The following CARMIL1 variants were observed in gnomAD, a reference collection of about 807,000 sequenced individuals.
CARMIL1 encodes F-actin-uncapping protein LRRC16A.
A neutral mutation model predicts 177.1 loss-of-function variants in CARMIL1; 90 were observed. That is an observed-to-expected ratio of 0.51 (90% CI 0.43 to 0.61). CARMIL1 has a LOEUF of 0.61. Ranked by LOEUF, CARMIL1 falls within the 20% of genes least tolerant of loss-of-function variation. The pLI, the probability that CARMIL1 is intolerant of heterozygous loss-of-function variation, is 0.00. For missense variants in CARMIL1, 1,380 were observed against 1,667.0 expected (o/e 0.83, Z 3.00); for synonymous variants, 577 against 606.2 (o/e 0.95, Z 0.71).
intron 4 of CARMIL1, among the ~76,000 whole-genome samples, chr6:25,433,768 G>A (rs1348009647): frequency 6.6e-6 from 1 of 152,122 alleles, no homozygotes; most frequent in Admixed American, 6.5e-5. Context: ...TCTTCTAGAG[G>A]TATTTATGAA....
At chr6:25,321,432 C>T (rs546316336) in intron 2 of CARMIL1, among the ~76,000 whole-genome samples, 12 of 152,156 alleles carry the variant, frequency 7.9e-5, no homozygotes, top group Admixed American at 3.9e-4. Context: ...GACAAGGTGG[C>T]ATCTGAATTA....
At chr6:25,299,051 C>T (rs142319078) in intron 2 of CARMIL1, among the ~76,000 whole-genome samples, 40 of 151,184 alleles carry the variant, frequency 2.6e-4, no homozygotes, top group African/African-American at 9.5e-4. Context: ...TGCGCTTGGC[C>T]GATTGCTTTT....
chr6:25,291,992 G>A (rs1242534319), intron 2 of CARMIL1, among the ~76,000 whole-genome samples: 2 of 152,158 alleles, frequency 1.3e-5, no homozygotes, highest in Non-Finnish European at 2.9e-5. Context: ...CCTCGTAGTT[G>A]TTCTCTGATG....
chr6:25,290,791 C>T (rs1781894169), intron 2 of CARMIL1, among the ~76,000 whole-genome samples: 1 of 152,186 alleles, frequency 6.6e-6, no homozygotes, highest in South Asian at 2.1e-4. Flanking sequence ...AAATCCACCC[C>T]CCCGGCCCCT....
intron 26 of CARMIL1, 46 bp from the exon 27 acceptor site, chr6:25,550,864 G>C (rs181731389): frequency 2.6e-6 from 4 of 1,536,022 alleles, no homozygotes; most frequent in Non-Finnish European, 3.5e-6. Flanking sequence ...CGGGCACCTC[G>C]GGTGCAGTGT....
intron 2 of CARMIL1, among the ~76,000 whole-genome samples, chr6:25,369,644 G>A (rs1790211669): frequency 1.3e-5 from 2 of 152,086 alleles, no homozygotes; most frequent in Admixed American, 1.3e-4. Flanking sequence ...CTGGGCCTTT[G>A]GTTCACAGTA....
intron 8 of CARMIL1, chr6:25,452,633 T>G: frequency 6.5e-6 from 1 of 153,922 alleles, no homozygotes; most frequent in East Asian, 1.9e-4. Context: ...TAAATATATT[T>G]TCCAAAACAA....
chr6:25,521,496 G>A (rs1393654969), intron 23 of CARMIL1, among the ~76,000 whole-genome samples: 2 of 152,180 alleles, frequency 1.3e-5, no homozygotes, highest in Non-Finnish European at 2.9e-5. Context: ...GTGGATGGGC[G>A]CGATGGCTCA....
chr6:25,420,486 C>T (rs182263473), intron 3 of CARMIL1: 46 of 225,060 alleles, frequency 2.0e-4, no homozygotes, highest in African/African-American at 8.6e-4. Context: ...CCCTAAGGCT[C>T]CATGTCCCAG....
At chr6:25,460,071 C>A (rs116024148) in intron 8 of CARMIL1, among the ~76,000 whole-genome samples, 1 of 152,306 alleles carries the variant, frequency 6.6e-6, no homozygotes, top group South Asian at 2.1e-4. Context: ...AACCTTTCCC[C>A]TTATGTCAAT....
chr6:25,619,240 T>C (rs1759538959), intron 36 of CARMIL1, among the ~76,000 whole-genome samples: 1 of 152,192 alleles, frequency 6.6e-6, no homozygotes, highest in African/African-American at 2.4e-5. Flanking sequence ...TTTGTGTGTG[T>C]TTTCTCATGT....
At position 25,279,535 on chromosome 6, in the gene CARMIL1, C is replaced by A; in HGVS notation, c.-261C>A. The A allele has an allele frequency of 1.8e-6, 1 of 560,760 alleles. No homozygotes were observed. Among genetic ancestry groups the A allele is most frequent in the South Asian group, 2.1e-5 (1 of 48,586 alleles). 34.7% of individuals were successfully genotyped at this position (560,760 alleles called of 1,614,324 possible). A position where few individuals can be genotyped will look rare whatever the true frequency, so the allele number is the denominator to read the frequency against. ...CCGCGCCCGCTTGTAATCCGGTCCG[C>A]TCCTTATTCAGCCGCCGGGAACTGC... On this transcript the variant is annotated 5_prime_UTR_variant, in exon 1 of 37. Coordinates refer to ENST00000329474, the MANE Select transcript of CARMIL1 (RefSeq NM_017640.6).
intron 2 of CARMIL1, among the ~76,000 whole-genome samples, chr6:25,340,311 C>G (rs1459403001): frequency 1.3e-5 from 2 of 152,180 alleles, no homozygotes; most frequent in Non-Finnish European, 2.9e-5. Flanking sequence ...CTTCAGTGTT[C>G]AGTGTGTAGC....
intron 33 of CARMIL1, 98 bp from the exon 34 acceptor site, chr6:25,604,714 G>A: frequency 1.1e-6 from 1 of 923,222 alleles, no homozygotes; most frequent in Non-Finnish European, 1.7e-6. Flanking sequence ...CTGAGTTAAA[G>A]AGCCCTTCTT....
At chr6:25,437,929 A>G (rs1256495151) in intron 5 of CARMIL1, among the ~76,000 whole-genome samples, 1 of 152,158 alleles carries the variant, frequency 6.6e-6, no homozygotes, top group Non-Finnish European at 1.5e-5. Context: ...TTCTCTTGCA[A>G]GTGATCCTTC....
At chr6:25,281,943 G>C (rs2690055) in intron 1 of CARMIL1, among the ~76,000 whole-genome samples, 7,534 of 151,648 alleles carry the variant, frequency 0.05, 589 homozygotes, top group African/African-American at 0.17. Context: ...GAAGAAACCC[G>C]GTCTCTACTA....
chr6:25,500,357 T>C (rs779989787), intron 17 of CARMIL1, 122 bp downstream of exon 17: 1 of 781,548 alleles, frequency 1.3e-6, no homozygotes, highest in Non-Finnish European at 2.1e-6. Context: ...AAATAAATTA[T>C]ACAAGTTTCT....
intron 21 of CARMIL1, among the ~76,000 whole-genome samples, chr6:25,516,613 GGCA>G (rs1230791067): frequency 1.3e-5 from 2 of 152,216 alleles, no homozygotes; most frequent in Middle Eastern, 3.2e-3. Context: ...AGGAAGGGAA[GGCA>G]GTGAAAGTTG....
intron 2 of CARMIL1, chr6:25,287,682 A>G (rs1226320270): frequency 6.6e-6 from 1 of 152,246 alleles, no homozygotes; most frequent in Non-Finnish European, 1.5e-5. Context: ...GAGGAAATTG[A>G]GATTTGGCGA....
Sources: gnomAD v4.1 joint callset for allele counts (sites outside exome capture counted in the v4.1 genomes callset) on GRCh38, gnomAD v4.1.1 for gene constraint, MANE v1.5 for transcripts, NCBI Gene and HGNC (gene_info 2026-07-23, HGNC 2026-07-21) for gene names.